Variants in COL6A3 observed in about 807,000 individuals in gnomAD.
The protein encoded by COL6A3 is collagen type VI alpha 3 chain, also known as collagen alpha-3(VI) chain.
COL6A3 carries 137 observed loss-of-function variants against 274.1 expected under a neutral mutation model. The ratio of observed to expected loss-of-function variants is 0.50; its 90% CI spans 0.44 to 0.58. COL6A3 has a LOEUF of 0.58. Among genes scored for constraint, COL6A3 ranks in the 20% least tolerant of loss-of-function variants. The probability of loss-of-function intolerance (pLI) is 0.00; values close to 1 mark genes in which losing one functional copy is unlikely to be tolerated. For missense variants in COL6A3, 3,950 were observed against 4,124.9 expected (o/e 0.96, Z 1.16); for synonymous variants, 1,650 against 1,650.6 (o/e 1.00, Z 0.01).
chr2:237,332,975 G>C (rs142667093), intron 42 of COL6A3: 123 of 247,082 alleles, frequency 5.0e-4, no homozygotes, highest in African/African-American at 2.4e-3. Flanking sequence ...CACACACTAA[G>C]CTGGGGTGTG....
At position 237,352,507 on chromosome 2, in the gene COL6A3, T is replaced by G; in HGVS notation, c.6753+15A>C. On this transcript the variant is annotated intron_variant, in intron 26 of 43. Coordinates refer to ENST00000295550, the MANE Select transcript of COL6A3 (RefSeq NM_004369.4). ...TGTTCAGCTAGAGAGGGGGCTGGTATTAGGACAGGCTTACCCGAGGTCCAG... is the reference window on the plus strand; with the variant it reads ...TGTTCAGCTAGAGAGGGGGCTGGTAGTAGGACAGGCTTACCCGAGGTCCAG... 6.2e-7 allele frequency: 1 copy of G among 1,609,014 alleles called. No individual in the cohort carries two copies. Among genetic ancestry groups the G allele is most frequent in the Non-Finnish European group, 8.5e-7 (1 of 1,177,746 alleles).
Position 237,364,883 on chromosome 2 carries a change from G to C in COL6A3, c.5839-455C>G, listed in dbSNP as rs1451555752. On this transcript the variant is annotated intron_variant, in intron 12 of 43. Coordinates refer to ENST00000295550, the MANE Select transcript of COL6A3 (RefSeq NM_004369.4). This position sits in a 1 kb window ranked among gnomAD's most constrained non-coding sequence, Gnocchi z 4.6. ...TGCGTATGTGTGTGCATGTGTATGG[G>C]TGCATGTGCGTGCATGTGTGTGGGT... Among the ~76,000 whole-genome samples, 2 of 150,440 alleles carry C rather than the reference G, an allele frequency of 1.3e-5. No homozygotes were observed. Among genetic ancestry groups the C allele is most frequent in the African/African-American group, 4.9e-5 (2 of 40,786 alleles).
intron 4 of COL6A3, among the ~76,000 whole-genome samples, chr2:237,383,450 G>T (rs2078062388): frequency 6.6e-6 from 1 of 151,896 alleles, no homozygotes; most frequent in Admixed American, 6.6e-5. Context: ...CCTTCATTTT[G>T]ATTTAAAATA....
At position 237,381,048 on chromosome 2, in the gene COL6A3, A is replaced by G. The variant is rs976157547; in HGVS notation, c.1764T>C (p.Asp588=). The G allele has an allele frequency of 1.2e-6, 2 of 1,614,070 alleles. No homozygotes were observed. The highest frequency in any genetic ancestry group is 2.7e-5 in the African/African-American group (2 of 74,940). Residue 588 remains aspartate (D), a synonymous_variant, in exon 5 of 44, where the codon GAT becomes GAC. Transcript: ENST00000295550. The part of the protein sequence containing the change: ...MAFAIGNKGA[D]QAELEEIAFD... ...AAGCGATCTCTTCCAGCTCAGCCTG[A>G]TCGGCACCCTTGTTCCCAATGGCAA... is the stretch of plus-strand genomic sequence containing the variant.
At chr2:237,352,608 G>C in intron 25 of COL6A3, 24 bp from the exon 26 acceptor site, 1 of 1,606,128 alleles carries the variant, frequency 6.2e-7, no homozygotes, top group Non-Finnish European at 8.5e-7. Flanking sequence ...AGACCATCGT[G>C]AGTGCTAATG....
Position 237,374,613 on chromosome 2 carries a change from C to T in COL6A3, c.3478G>A (p.Ala1160Thr), listed in dbSNP as rs1559249972. The change falls in exon 8 of 44, where the codon GCT (alanine) becomes ACT (threonine). Residue 1160 changes from alanine (A) to threonine (T), a missense_variant. By Grantham distance (58) the Ala-to-Thr change is moderately conservative. This residue lies in a region of COL6A3 where 1,934 missense variants were observed against 1,984.3 expected (regional missense o/e 0.97). Transcript: ENST00000295550. The surrounding 1 kb of genome is among the most constrained non-coding windows in gnomAD (Gnocchi z 4.8). ...NPSVVVKRGGAVPIGIGIGNA... is the reference protein window; with the variant it reads ...NPSVVVKRGGTVPIGIGIGNA... ...CCGATGCCAATGCCAATGGGCACAG[C>T]CCCACCCCTCTTCACGACCACGGAG... The T allele has an allele frequency of 1.9e-6, 3 of 1,614,200 alleles. No homozygotes were observed. Among genetic ancestry groups the T allele is most frequent in the East Asian group, 2.2e-5 (1 of 44,856 alleles).
Position 237,325,557 on chromosome 2 carries a change from T to C in COL6A3, c.9493+3A>G. On this transcript the variant is annotated splice_donor_region_variant and intron_variant, in intron 43 of 43. Coordinates refer to ENST00000295550, the MANE Select transcript of COL6A3 (RefSeq NM_004369.4). The stretch of plus-strand genomic sequence containing the variant: ...GCCATAAACACAAGGAAGAATCACT[T>C]ACCAGGAGCGCAAACCTTTTCACAT... The C allele has an allele frequency of 6.2e-7, 1 of 1,614,164 alleles. No homozygotes were observed. Among genetic ancestry groups the C allele is most frequent in the Non-Finnish European group, 8.5e-7 (1 of 1,180,020 alleles).
intron 1 of COL6A3, among the ~76,000 whole-genome samples, chr2:237,404,073 T>G (rs775706375): frequency 3.3e-5 from 5 of 152,192 alleles, no homozygotes; most frequent in African/African-American, 7.2e-5. Context: ...GTGCTATTCT[T>G]GATTCGTTCT....
At chr2:237,375,581 C>T (rs957354005) in intron 7 of COL6A3, among the ~76,000 whole-genome samples, 10 of 152,094 alleles carry the variant, frequency 6.6e-5, no homozygotes, top group South Asian at 2.1e-4. Context: ...TCGCTCTTGT[C>T]GCCCAGGCTA....
rs748458592 is a variant in COL6A3, at chr2:237,358,504, A to G, written c.6471+17T>C. On this transcript the variant is annotated intron_variant, in intron 21 of 43. Transcript: ENST00000295550. ...CCCCAGGCTCAGGTCTGAAATCGTCAATAAAGAAATCTTTACCGGGTCCCC... is the reference window on the plus strand; with the variant it reads ...CCCCAGGCTCAGGTCTGAAATCGTCGATAAAGAAATCTTTACCGGGTCCCC... The G allele has an allele frequency of 2.5e-6, 4 of 1,610,270 alleles. No individual in the cohort carries two copies. The highest frequency in any genetic ancestry group is 3.4e-6 in the Non-Finnish European group (4 of 1,176,584).
Position 237,381,081 on chromosome 2 carries a change from T to C in COL6A3, c.1731A>G (p.Ile577Met), listed in dbSNP as rs2077991365. ...QPAQELKRSS[I>M]MAFAIGNKGA... ...CCTTGTTCCCAATGGCAAAGGCCAT[T>C]ATGCTGCTTCTCTTCAGCTCCTGGG... Residue 577 changes from isoleucine to methionine, a missense_variant, in exon 5 of 44, where the codon ATA becomes ATG. Transcript: ENST00000295550. The C allele has an allele frequency of 6.2e-7, 1 of 1,614,130 alleles. No individual in the cohort carries two copies.
Position 237,347,639 on chromosome 2 carries a change from G to A in COL6A3, c.7029+168C>T, listed in dbSNP as rs186357459. On this transcript the variant is annotated intron_variant, in intron 31 of 43. Coordinates refer to ENST00000295550, the MANE Select transcript of COL6A3 (RefSeq NM_004369.4). Reference sequence around the variant, plus strand: ...AGGAGAGCCATGGACCACAGCCATGGTGGCACCCTGAGGACATTGGTCTGG... The same window carrying A: ...AGGAGAGCCATGGACCACAGCCATGATGGCACCCTGAGGACATTGGTCTGG... 6.6e-5 allele frequency among the ~76,000 whole-genome samples: 10 copies of A among 152,378 alleles called. No individual in the cohort carries two copies. In the East Asian group the frequency reaches 1.9e-3, roughly 29 times the overall value.
chr2:237,358,836 G>A (rs2077373755), intron 20 of COL6A3, among the ~76,000 whole-genome samples, 199 bp downstream of exon 20: 1 of 152,154 alleles, frequency 6.6e-6, no homozygotes, highest in Non-Finnish European at 1.5e-5. Context: ...CTGCCCTATG[G>A]GATGTGATCT....
At chr2:237,332,497 A>C (rs1464865086) in intron 42 of COL6A3, among the ~76,000 whole-genome samples, 1 of 152,164 alleles carries the variant, frequency 6.6e-6, no homozygotes, top group Non-Finnish European at 1.5e-5. Flanking sequence ...GAGCTCAAGC[A>C]CCATGGTGGG....
In COL6A3 at chr2:237,371,795, T is replaced by C; in HGVS notation, c.4222A>G (p.Ile1408Val). The C allele has an allele frequency of 2.5e-6, 4 of 1,613,904 alleles. No individual in the cohort carries two copies. Among genetic ancestry groups the C allele is most frequent in the South Asian group, 2.2e-5 (2 of 91,076 alleles). The change falls in exon 9 of 44, where the codon ATC becomes GTC. Residue 1408 changes from isoleucine to valine, a missense_variant. By Grantham distance (29) the Ile-to-Val change is conservative. Coordinates refer to ENST00000295550, the MANE Select transcript of COL6A3 (RefSeq NM_004369.4). The surrounding 1 kb of genome is among the most constrained non-coding windows in gnomAD (Gnocchi z 4.3). ...PSLEQKLLTPITTLTSEQIQK... is the reference protein window; with the variant it reads ...PSLEQKLLTPVTTLTSEQIQK... ...ATCTGCTCTGAGGTCAGGGTCGTGA[T>C]GGGCGTCAGCAGTTTCTGCTCCAGG...
intron 1 of COL6A3, among the ~76,000 whole-genome samples, chr2:237,405,761 C>T (rs2078703714): frequency 6.6e-6 from 1 of 152,092 alleles, no homozygotes; most frequent in Non-Finnish European, 1.5e-5. Context: ...AGAGGCTGTG[C>T]CAGATTTGGC....
intron 3 of COL6A3, 116 bp from the exon 4 acceptor site, chr2:237,388,300 A>G (rs895894587): frequency 1.6e-5 from 20 of 1,268,770 alleles, no homozygotes; most frequent in South Asian, 2.6e-5. Flanking sequence ...AATATGGGCA[A>G]ACAAAACACA....
At chr2:237,391,924 G>C (rs925145024) in intron 3 of COL6A3, among the ~76,000 whole-genome samples, 1 of 152,180 alleles carries the variant, frequency 6.6e-6, no homozygotes, top group African/African-American at 2.4e-5. Flanking sequence ...GTTCATTGTA[G>C]ATACCCTCTT....
In COL6A3 at chr2:237,393,147, T is replaced by A. The variant is rs546996881; in HGVS notation, c.709+1440A>T. On this transcript the variant is annotated intron_variant, in intron 3 of 43. Transcript: ENST00000295550. ...TCCTTACTGAGAAAATTTTCTTCTG[T>A]CCTCTCTATTGTTCCCTCTTTGCAA... Among the ~76,000 whole-genome samples the A allele has an allele frequency of 1.1e-4, 17 of 152,276 alleles. No homozygotes were observed. In the East Asian group the frequency reaches 3.1e-3, roughly 28 times the overall value.
Sources: gnomAD v4.1 joint callset for allele counts (sites outside exome capture counted in the v4.1 genomes callset) on GRCh38, gnomAD v4.1.1 for gene constraint, gnomAD v4.1.1 regional missense constraint, Gnocchi (gnomAD v3.1) non-coding constraint, MANE v1.5 for transcripts, NCBI Gene and HGNC (gene_info 2026-07-23, HGNC 2026-07-21) for gene names.